The following OSBPL1A variants were observed in gnomAD, a reference collection of about 807,000 sequenced individuals.
The protein encoded by OSBPL1A is oxysterol binding protein like 1A.
OSBPL1A carries 80 observed loss-of-function variants against 137.1 expected under a neutral mutation model. The observed-to-expected ratio is 0.58, with a 90% CI of 0.49 to 0.70. OSBPL1A has a LOEUF of 0.70. OSBPL1A is among the 30% of genes least tolerant of loss of function. The pLI, the probability that OSBPL1A is intolerant of heterozygous loss-of-function variation, is 0.00. For synonymous variants in OSBPL1A, 365 were observed against 389.7 expected (o/e 0.94, Z 0.75); for missense variants, 970 against 1,129.4 (o/e 0.86, Z 2.02).
chr18:24,314,398 C>T lies in OSBPL1A; in HGVS notation c.871-51G>A, dbSNP rs138927287. The T allele has an allele frequency of 2.6e-5, 32 of 1,254,672 alleles. No homozygotes were observed. In the African/African-American group the frequency reaches 4.4e-4, roughly 17 times the overall value. 77.7% of individuals were successfully genotyped at this position (1,254,672 alleles called of 1,614,324 possible). ...CAACATTCATTCACATAAAAGAGGA[C>T]CCTAAAATTATCTATACATAAAATT... On this transcript the variant is annotated intron_variant, in intron 11 of 27. Transcript: ENST00000319481.
At chr18:24,375,317 A>C (rs1281329658) in intron 2 of OSBPL1A, among the ~76,000 whole-genome samples, 1 of 109,350 alleles carries the variant, frequency 9.1e-6, no homozygotes, top group African/African-American at 5.4e-5. Context: ...CCTGTCTCAA[A>C]AAAAAAAAAA....
intron 15 of OSBPL1A, among the ~76,000 whole-genome samples, chr18:24,266,158 T>C (rs916664731): frequency 3.3e-5 from 5 of 152,206 alleles, no homozygotes; most frequent in Non-Finnish European, 5.9e-5. Context: ...TCCCTGTTAC[T>C]GAAACCCATG....
At chr18:24,163,405 A>AT (rs1343310546) in intron 27 of OSBPL1A, 124 bp from the exon 28 acceptor site, 3 of 645,900 alleles carry the variant, frequency 4.6e-6, no homozygotes. Context: ...ATAGTTCTAA[A>AT]GAGATGCTGA....
intron 4 of OSBPL1A, among the ~76,000 whole-genome samples, chr18:24,366,109 C>A (rs1272881542): frequency 6.6e-6 from 1 of 152,078 alleles, no homozygotes; most frequent in Admixed American, 6.6e-5. Context: ...TGTTTGGGTT[C>A]CATTAATTTG....
At chr18:24,165,213 A>T in intron 26 of OSBPL1A, 58 bp from the exon 27 acceptor site, 1 of 1,443,890 alleles carries the variant, frequency 6.9e-7, no homozygotes, top group Non-Finnish European at 9.7e-7. Flanking sequence ...TGCCAGGCAC[A>T]GTATTAAGCA....
intron 15 of OSBPL1A, among the ~76,000 whole-genome samples, chr18:24,246,593 C>G (rs1667309331): frequency 6.6e-6 from 1 of 151,964 alleles, no homozygotes; most frequent in Admixed American, 6.6e-5. Context: ...GAGTTCGAGA[C>G]CAGTCTGACC....
At chr18:24,167,162 C>T (rs530965465) in intron 25 of OSBPL1A, among the ~76,000 whole-genome samples, 167 bp downstream of exon 25, 11 of 152,268 alleles carry the variant, frequency 7.2e-5, no homozygotes, top group South Asian at 4.1e-4. Context: ...GATGCACTTA[C>T]GACGCGCTGA....
chr18:24,227,637 C>A (rs938928612), intron 16 of OSBPL1A, among the ~76,000 whole-genome samples: 1 of 152,042 alleles, frequency 6.6e-6, no homozygotes, highest in Non-Finnish European at 1.5e-5. Context: ...GATGGCACAA[C>A]GGCAAATTTT....
At chr18:24,180,626 G>C (rs1389048062) in intron 19 of OSBPL1A, among the ~76,000 whole-genome samples, 1 of 152,166 alleles carries the variant, frequency 6.6e-6, no homozygotes, top group East Asian at 1.9e-4. Context: ...TGTAATCCCA[G>C]CACTTTGGGA....
chr18:24,343,978 C>T (rs2091306583), intron 4 of OSBPL1A, among the ~76,000 whole-genome samples: 1 of 151,994 alleles, frequency 6.6e-6, no homozygotes, highest in African/African-American at 2.4e-5. Flanking sequence ...AACTTTTGTA[C>T]ATCAAAGGGC....
intron 15 of OSBPL1A, among the ~76,000 whole-genome samples, chr18:24,262,669 T>C (rs2089468345): frequency 6.6e-6 from 1 of 151,570 alleles, no homozygotes; most frequent in South Asian, 2.1e-4. Flanking sequence ...GCCATGTAAC[T>C]AGCACCACCA....
At position 24,379,865 on chromosome 18, in the gene OSBPL1A, C is replaced by T. The variant is rs57570029; in HGVS notation, c.-2-2330G>A. On this transcript the variant is annotated intron_variant, in intron 1 of 27. Coordinates refer to ENST00000319481, the MANE Select transcript of OSBPL1A (RefSeq NM_080597.4). ...CAGCCTGGGAAACAGAGCAAGACAC[C>T]GTCTTAAAAAAAAGAATTTAAGGAA... 9.4e-3 allele frequency among the ~76,000 whole-genome samples: 1,428 copies of T among 151,948 alleles called. 24 individuals are homozygous for T. Among genetic ancestry groups the T allele is most frequent in the African/African-American group, 0.031 (1,300 of 41,448 alleles).
At chr18:24,173,320 C>T (rs1211700092) in intron 21 of OSBPL1A, among the ~76,000 whole-genome samples, 5 of 152,104 alleles carry the variant, frequency 3.3e-5, no homozygotes, top group South Asian at 2.1e-4. Context: ...ACCTGGGTGA[C>T]GAAACAAACC....
Position 24,172,527 on chromosome 18 carries a change from A to G in OSBPL1A, c.2094-44T>C, listed in dbSNP as rs754857216. The G allele has an allele frequency of 3.6e-6, 5 of 1,404,938 alleles. No homozygotes were observed. The Admixed American group carries it at 8.4e-5, about 24-fold the overall frequency. 87.0% of individuals were successfully genotyped at this position (1,404,938 alleles called of 1,614,324 possible). ...CCCAGAAGCATAAGTGAGAGGTATC[A>G]CTTTGTTTAAAAAGTACACTTGTTC... is the stretch of plus-strand genomic sequence containing the variant. On this transcript the variant is annotated intron_variant, in intron 21 of 27. Transcript: ENST00000319481.
At chr18:24,275,320 G>A (rs1446634149) in intron 15 of OSBPL1A, among the ~76,000 whole-genome samples, 1 of 152,152 alleles carries the variant, frequency 6.6e-6, no homozygotes, top group Non-Finnish European at 1.5e-5. Flanking sequence ...GAAAGTATAA[G>A]AGCAGATGCA....
intron 4 of OSBPL1A, among the ~76,000 whole-genome samples, chr18:24,359,781 T>C (rs2091594924): frequency 2.0e-5 from 3 of 152,200 alleles, no homozygotes; most frequent in Admixed American, 1.3e-4. Flanking sequence ...ATTCCTATTT[T>C]AAATTGATTA....
At chr18:24,310,623 GAA>G in intron 13 of OSBPL1A, among the ~76,000 whole-genome samples, 1 of 128,906 alleles carries the variant, frequency 7.8e-6, no homozygotes, top group African/African-American at 2.9e-5. Context: ...AAAAAGAAAA[GAA>G]AAAAAAAAAG....
intron 15 of OSBPL1A, chr18:24,272,360 T>C (rs891312774): frequency 1.1e-6 from 1 of 895,500 alleles, no homozygotes; most frequent in Non-Finnish European, 1.3e-6. Context: ...GCTGAAGCGT[T>C]CGCGTTTACG....
intron 16 of OSBPL1A, among the ~76,000 whole-genome samples, chr18:24,230,323 G>C (rs1175213948): frequency 2.0e-5 from 3 of 152,138 alleles, no homozygotes; most frequent in African/African-American, 7.2e-5. Context: ...AAGTTCTGGA[G>C]AGAGATGGTG....
Sources: gnomAD v4.1 joint callset for allele counts (sites outside exome capture counted in the v4.1 genomes callset) on GRCh38, gnomAD v4.1.1 for gene constraint, MANE v1.5 for transcripts, NCBI Gene and HGNC (gene_info 2026-07-23, HGNC 2026-07-21) for gene names.